Variants in PAK1 observed in about 807,000 individuals in gnomAD.
PAK1 encodes the protein serine/threonine-protein kinase PAK 1.
A neutral mutation model predicts 67.4 loss-of-function variants in PAK1; 29 were observed. That is an observed-to-expected ratio of 0.43 (90% CI 0.32 to 0.59). The LOEUF (loss-of-function observed/expected upper bound fraction) is 0.59. PAK1 is among the 20% of genes least tolerant of loss of function. The pLI, the probability that PAK1 is intolerant of heterozygous loss-of-function variation, is 0.07. For synonymous variants in PAK1, 223 were observed against 237.4 expected (o/e 0.94, Z 0.56); for missense variants, 337 against 670.7 (o/e 0.50, Z 5.50).
rs528666925 is a variant in PAK1, at chr11:77,471,790, G to T, written c.-22+1762C>A. 4.6e-5 allele frequency among the ~76,000 whole-genome samples: 7 copies of T among 152,322 alleles called. No homozygotes were observed. The South Asian group carries it at 1.4e-3, about 32-fold the overall frequency. On this transcript the variant is annotated intron_variant, in intron 1 of 14. Transcript: ENST00000356341. ...TTCTGGATGCACAGTACCTTCCTTT[G>T]AGGCACTGCTTCCTTCAAACCTAGC...
intron 1 of PAK1, among the ~76,000 whole-genome samples, chr11:77,395,828 T>C (rs1358673693): frequency 1.3e-5 from 2 of 152,322 alleles, no homozygotes; most frequent in African/African-American, 4.8e-5. Flanking sequence ...GATGTTCTTT[T>C]TATCCATTTC....
chr11:77,363,414 T>C (rs996907079), intron 5 of PAK1, among the ~76,000 whole-genome samples: 2 of 152,188 alleles, frequency 1.3e-5, no homozygotes, highest in East Asian at 1.9e-4. Flanking sequence ...GATTGATACC[T>C]GACTAAACAT....
chr11:77,451,905 G>A (rs1389706624), intron 1 of PAK1, among the ~76,000 whole-genome samples: 4 of 152,044 alleles, frequency 2.6e-5, no homozygotes, highest in Non-Finnish European at 4.4e-5. Flanking sequence ...GACCTCTCTC[G>A]TTAATGTCTT....
intron 1 of PAK1, among the ~76,000 whole-genome samples, chr11:77,435,751 G>A (rs1455568345): frequency 2.8e-5 from 4 of 141,818 alleles, no homozygotes; most frequent in African/African-American, 1.1e-4. Context: ...CTCGTGATCC[G>A]CCTGCCTCGG....
rs185091876 is a variant in PAK1, at chr11:77,452,915, A to G, written c.-22+20637T>C. Among the ~76,000 whole-genome samples, 4 of 152,328 alleles carry G rather than the reference A, an allele frequency of 2.6e-5. No individual in the cohort carries two copies. The South Asian group carries it at 6.2e-4, about 24-fold the overall frequency. ...GCACATCAGCCCTGCCTCACAGCAA[A>G]TCAGGCTTATGACTTTAACTAAATC... On this transcript the variant is annotated intron_variant, in intron 1 of 14. Coordinates refer to ENST00000356341, the MANE Select transcript of PAK1 (RefSeq NM_002576.5).
At chr11:77,478,841 C>T (rs1380303126), upstream of PAK1, among the ~76,000 whole-genome samples, 1 of 150,986 alleles carries the variant, frequency 6.6e-6, no homozygotes, top group Non-Finnish European at 1.5e-5. Flanking sequence ...CTTTGGGAGG[C>T]CGAGGTGGGC....
At chr11:77,386,062 C>T (rs187586069) in intron 2 of PAK1, among the ~76,000 whole-genome samples, 41 of 152,104 alleles carry the variant, frequency 2.7e-4, no homozygotes, top group Admixed American at 3.3e-4. Context: ...GAAAATAAAG[C>T]GGGAAAAGAA....
At chr11:77,408,546 C>T (rs931472413) in intron 1 of PAK1, among the ~76,000 whole-genome samples, 28 of 151,382 alleles carry the variant, frequency 1.8e-4, no homozygotes, top group Admixed American at 9.9e-4. Context: ...CACACACACA[C>T]ACACACACAC....
the PAK1 span, among the ~76,000 whole-genome samples, chr11:77,525,459 C>T: frequency 6.6e-6 from 1 of 152,116 alleles, no homozygotes; most frequent in African/African-American, 2.4e-5. Context: ...TTTCTATGTG[C>T]CCATATTATG....
the PAK1 span, among the ~76,000 whole-genome samples, chr11:77,522,999 T>G: frequency 2.0e-5 from 3 of 152,172 alleles, no homozygotes; most frequent in Non-Finnish European, 4.4e-5. Context: ...TGTTCTCACT[T>G]ACAAGTGGGA....
chr11:77,389,183 T>C (rs558018302), intron 2 of PAK1, among the ~76,000 whole-genome samples: 3 of 152,230 alleles, frequency 2.0e-5, no homozygotes, highest in Non-Finnish European at 4.4e-5. Context: ...AATCATACTA[T>C]ATGTGATCCT....
chr11:77,451,190 G>A lies in PAK1; in HGVS notation c.-22+22362C>T, dbSNP rs1478422052. On this transcript the variant is annotated intron_variant, in intron 1 of 14. Transcript: ENST00000356341. ...TTCAAGACATGCTACCCCAAAATAT[G>A]ACATCTTAGCATATGAGAAAACAGC... Among the ~76,000 whole-genome samples, 10 of 152,186 alleles carry A rather than the reference G, an allele frequency of 6.6e-5. No individual in the cohort carries two copies. In the South Asian group the frequency reaches 1.5e-3, roughly 22 times the overall value.
At position 77,335,056 on chromosome 11, in the gene PAK1, C is replaced by T. The variant is rs536440278; in HGVS notation, c.1413+1030G>A. Among the ~76,000 whole-genome samples, 303 of 152,264 alleles carry T rather than the reference C, an allele frequency of 2.0e-3. 4 individuals carry two copies. The highest frequency in any genetic ancestry group is 4.0e-4 in the Non-Finnish European group (27 of 68,012). On this transcript the variant is annotated intron_variant, in intron 13 of 14. Transcript: ENST00000356341. ...CCTTCGGGAAGCACACTGTTCTCTT[C>T]ATCTCCAGGACACTTCACCTCCAAG... is the stretch of plus-strand genomic sequence containing the variant.
chr11:77,349,608 T>C, intron 8 of PAK1: 1 of 282,568 alleles, frequency 3.5e-6, no homozygotes, highest in Non-Finnish European at 7.0e-6. Context: ...GAATACAAGA[T>C]AATTTAAATT....
At chr11:77,499,200 T>C in the PAK1 span, among the ~76,000 whole-genome samples, 1 of 151,954 alleles carries the variant, frequency 6.6e-6, no homozygotes, top group African/African-American at 2.4e-5. Context: ...AATTCACTTA[T>C]AATCCTACCA....
intron 1 of PAK1, among the ~76,000 whole-genome samples, chr11:77,458,536 G>A (rs1957178617): frequency 1.3e-5 from 2 of 152,092 alleles, no homozygotes; most frequent in South Asian, 4.1e-4. Context: ...ATCCAATATT[G>A]CCTTATTTCA....
intron 1 of PAK1, among the ~76,000 whole-genome samples, chr11:77,470,607 A>C (rs1957806384): frequency 6.6e-6 from 1 of 152,250 alleles, no homozygotes. Context: ...AAGTGAAAGA[A>C]ACAAAGCATT....
chr11:77,409,212 A>C lies in PAK1; in HGVS notation c.-21-16671T>G, dbSNP rs533262861. Among the ~76,000 whole-genome samples, 5 of 152,314 alleles carry C rather than the reference A, an allele frequency of 3.3e-5. No individual in the cohort carries two copies. The East Asian group carries it at 9.6e-4, about 29-fold the overall frequency. On this transcript the variant is annotated intron_variant, in intron 1 of 14. Transcript: ENST00000356341. ...CTTGAGCCTAGGAGGTTGAAGCTGCAGTAGGCCATGATCGTACCATTGCAC... is the reference window on the plus strand; with the variant it reads ...CTTGAGCCTAGGAGGTTGAAGCTGCCGTAGGCCATGATCGTACCATTGCAC...
chr11:77,355,877 C>T (rs766810590), intron 6 of PAK1, 35 bp from the exon 7 acceptor site: 32 of 1,482,288 alleles, frequency 2.2e-5, no homozygotes, highest in Non-Finnish European at 2.6e-5. Context: ...GCAAGACCAG[C>T]CTTTGTTAGC....
Sources: allele counts gnomAD v4.1 joint callset (sites outside exome capture counted in the v4.1 genomes callset), GRCh38; gene constraint gnomAD v4.1.1; transcripts MANE v1.5; gene names NCBI Gene and HGNC (gene_info 2026-07-23, HGNC 2026-07-21).